The following SCN7A variants were observed in gnomAD, a reference collection of about 807,000 sequenced individuals.
The protein encoded by SCN7A is sodium channel protein type 7 subunit alpha.
A neutral mutation model predicts 155.2 loss-of-function variants in SCN7A; 138 were observed. The ratio of observed to expected loss-of-function variants is 0.89; its 90% confidence interval spans 0.77 to 1.02. SCN7A has a LOEUF of 1.02. Among genes scored for constraint, SCN7A ranks in the 50% least tolerant of loss-of-function variants. SCN7A has a pLI of 0.00. For synonymous variants in SCN7A, 693 were observed against 649.0 expected (o/e 1.07, Z -1.03); for missense variants, 2,058 against 1,986.6 (o/e 1.04, Z -0.68).
chr2:166,404,857 C>T lies in SCN7A; in HGVS notation c.*723G>A, dbSNP rs531581751. 6.8e-6 allele frequency: 1 copy of T among 147,860 alleles called. No individual in the cohort carries two copies. Among genetic ancestry groups the T allele is most frequent in the Non-Finnish European group, 1.5e-5 (1 of 67,156 alleles). 9.2% of individuals were successfully genotyped at this position (147,860 alleles called of 1,614,324 possible). A position where few individuals can be genotyped will look rare whatever the true frequency, so the allele number is the denominator to read the frequency against. On this transcript the variant is annotated 3_prime_UTR_variant, in exon 26 of 26. Coordinates refer to ENST00000643258, the MANE Select transcript of SCN7A (RefSeq NM_002976.4). Reference sequence around the variant, plus strand: ...AAAAAAAAAAAAAGGCTATACCTCTCCTTTATGCTTCTTGTTTTACGAATC... The same window carrying T: ...AAAAAAAAAAAAAGGCTATACCTCTTCTTTATGCTTCTTGTTTTACGAATC...
chr2:166,456,899 C>A lies in SCN7A; in HGVS notation c.1261G>T (p.Glu421Ter), dbSNP rs1343706993. ...TCTGTTTCATTTCCTTCTTGAAGTT[C>A]TTTTCCAGTCTGTTGAAATTTTGGT... ...IEPKFQQTGK[E>*]LQEGNETDEA... The change falls in exon 11 of 26, where the codon GAA becomes TAA. Residue 421 changes from glutamate to a stop codon, truncating the protein, a stop_gained. Coordinates refer to ENST00000643258, the MANE Select transcript of SCN7A (RefSeq NM_002976.4). LOFTEE classifies it high-confidence loss of function. 5.2e-6 allele frequency: 8 copies of A among 1,550,038 alleles called. No homozygotes were observed. Among genetic ancestry groups the A allele is most frequent in the Non-Finnish European group, 6.1e-6 (7 of 1,145,988 alleles).
chr2:166,492,288 A>G (rs1206170206), intron 1 of SCN7A, among the ~76,000 whole-genome samples: 1 of 152,092 alleles, frequency 6.6e-6, no homozygotes, highest in Non-Finnish European at 1.5e-5. Context: ...TACTTTAAAC[A>G]TATCCATGGG....
intron 11 of SCN7A, among the ~76,000 whole-genome samples, chr2:166,451,377 G>C (rs1702173715): frequency 6.6e-6 from 1 of 152,168 alleles, no homozygotes. Context: ...AGTGAAAATT[G>C]AGAGGATTGT....
chr2:166,428,059 G>T, intron 17 of SCN7A, 117 bp from the exon 18 acceptor site: 1 of 1,055,494 alleles, frequency 9.5e-7, no homozygotes, highest in Non-Finnish European at 1.4e-6. Context: ...AATCCAGGTT[G>T]TCTCTGATTT....
intron 12 of SCN7A, among the ~76,000 whole-genome samples, chr2:166,445,694 G>A (rs1455973448): frequency 3.3e-5 from 5 of 151,940 alleles, no homozygotes; most frequent in Admixed American, 2.0e-4. Flanking sequence ...CCACAGCCTT[G>A]CATCCCCAGG....
chr2:166,408,796 T>C (rs945640691), intron 25 of SCN7A, among the ~76,000 whole-genome samples: 4 of 152,032 alleles, frequency 2.6e-5, no homozygotes, highest in Non-Finnish European at 5.9e-5. Flanking sequence ...AACTTAAATA[T>C]TGTTCCTACT....
intron 2 of SCN7A, among the ~76,000 whole-genome samples, chr2:166,483,911 C>T (rs1349340575): frequency 6.6e-6 from 1 of 151,850 alleles, no homozygotes; most frequent in Admixed American, 6.6e-5. Flanking sequence ...AAGAAGTCAA[C>T]ATATATCTCA....
Position 166,478,971 on chromosome 2 carries a change from C to T in SCN7A, c.-14-1261G>A, listed in dbSNP as rs116167855. 8.1e-3 allele frequency among the ~76,000 whole-genome samples: 1,229 copies of T among 152,094 alleles called. 19 individuals are homozygous for T. Among genetic ancestry groups the T allele is most frequent in the African/African-American group, 0.028 (1,146 of 41,520 alleles). On this transcript the variant is annotated intron_variant, in intron 2 of 25. Coordinates refer to ENST00000643258, the MANE Select transcript of SCN7A (RefSeq NM_002976.4). The stretch of plus-strand genomic sequence containing the variant: ...CAATTCCTGTCAAAATTTACTCTTC[C>T]AATGATTCTATTCAATGTCAAAAGA...
intron 10 of SCN7A, among the ~76,000 whole-genome samples, chr2:166,460,204 T>A (rs893104046): frequency 2.0e-5 from 3 of 152,258 alleles, no homozygotes; most frequent in African/African-American, 7.2e-5. Flanking sequence ...CCAGACTGGT[T>A]CCCTATTTCT....
intron 20 of SCN7A, among the ~76,000 whole-genome samples, chr2:166,417,353 G>A (rs1315845900): frequency 2.0e-5 from 3 of 151,980 alleles, no homozygotes; most frequent in Non-Finnish European, 4.4e-5. Flanking sequence ...GACACCTGTA[G>A]TCCCAACTAC....
chr2:166,427,846 T>C lies in SCN7A; in HGVS notation c.2795A>G (p.Glu932Gly), dbSNP rs184973523. The C allele has an allele frequency of 3.1e-6, 5 of 1,612,324 alleles. No homozygotes were observed. Among genetic ancestry groups the C allele is most frequent in the South Asian group, 2.2e-5 (2 of 90,960 alleles). The stretch of plus-strand genomic sequence containing the variant: ...AATAAAACACTTAAACCAATTGTTC[T>C]CTACAATCTTGCAGCAGGTTTTCCT... ...NIRKTCCKIV[E>G]NNWFKCFIGL... Residue 932 changes from glutamate (E) to glycine (G), a missense_variant, in exon 18 of 26, where the codon GAG becomes GGG. Coordinates refer to ENST00000643258, the MANE Select transcript of SCN7A (RefSeq NM_002976.4).
chr2:166,472,284 A>G, intron 6 of SCN7A, 33 bp downstream of exon 6: 1 of 1,558,204 alleles, frequency 6.4e-7, no homozygotes, highest in Non-Finnish European at 8.7e-7. Flanking sequence ...TGAGCAAAAC[A>G]TTAAAATAGA....
rs1218255420 is a variant in SCN7A, at chr2:166,464,628, T to TA, written c.941+833dup. On this transcript the variant is annotated intron_variant, in intron 9 of 25. Coordinates refer to ENST00000643258, the MANE Select transcript of SCN7A (RefSeq NM_002976.4). The stretch of plus-strand genomic sequence containing the variant: ...TCAGCGTATCTTTTTAATTTTTTTT[T>TA]AAATGGATGTGAGGCTTTCAATGTT... 2.0e-5 allele frequency among the ~76,000 whole-genome samples: 3 copies of TA among 152,318 alleles called. No individual in the cohort carries two copies. In the South Asian group the frequency reaches 6.2e-4, roughly 32 times the overall value.
chr2:166,462,610 G>A, intron 9 of SCN7A, 80 bp from the exon 10 acceptor site: 1 of 1,359,288 alleles, frequency 7.4e-7, no homozygotes, highest in Non-Finnish European at 1.0e-6. Context: ...TAGAACATCA[G>A]TCCTGAGTAA....
intron 6 of SCN7A, among the ~76,000 whole-genome samples, 154 bp downstream of exon 6, chr2:166,472,163 G>A (rs1702673660): frequency 6.6e-6 from 1 of 151,562 alleles, no homozygotes; most frequent in African/African-American, 2.4e-5. Flanking sequence ...TAGGTCAGAG[G>A]CAGCTGAGAG....
At chr2:166,435,735 A>G (rs1401898443) in intron 15 of SCN7A, among the ~76,000 whole-genome samples, 2 of 152,104 alleles carry the variant, frequency 1.3e-5, no homozygotes, top group Non-Finnish European at 2.9e-5. Context: ...ATATGTGTCT[A>G]TGATCATATT....
Position 166,409,846 on chromosome 2 carries a change from G to A in SCN7A, c.3801C>T (p.Ala1267=), listed in dbSNP as rs573169902. 7 of 1,571,182 alleles carry A rather than the reference G, an allele frequency of 4.5e-6. No homozygotes were observed. The South Asian group carries it at 5.8e-5, about 13-fold the overall frequency. ...TCTGAACATCAGTGTCTATCATCAT[G>A]GCTATTGCTTGGAAACATATAAGAA... ...VMVLICFQAI[A]MMIDTDVQSL... is the part of the protein sequence containing the mutation. Residue 1267 remains alanine, a synonymous_variant, in exon 25 of 26, where the codon GCC becomes GCT. Coordinates refer to ENST00000643258, the MANE Select transcript of SCN7A (RefSeq NM_002976.4).
At chr2:166,460,961 C>G (rs1702390916) in intron 10 of SCN7A, among the ~76,000 whole-genome samples, 1 of 146,072 alleles carries the variant, frequency 6.8e-6, no homozygotes, top group Non-Finnish European at 1.5e-5. Context: ...TGAATCTTAT[C>G]AAAGAGACTG....
chr2:166,417,102 GC>G, intron 20 of SCN7A, 117 bp from the exon 21 acceptor site: 2 of 789,118 alleles, frequency 2.5e-6, no homozygotes, highest in Non-Finnish European at 3.9e-6. Context: ...ACCTTAAAAG[GC>G]CATATCTAAA....
Sources: allele counts gnomAD v4.1 joint callset (sites outside exome capture counted in the v4.1 genomes callset), GRCh38; gene constraint gnomAD v4.1.1; transcripts MANE v1.5; gene names NCBI Gene and HGNC (gene_info 2026-07-23, HGNC 2026-07-21).